The following MYLK variants were observed in gnomAD, a reference collection of about 807,000 sequenced individuals.
MYLK encodes the protein myosin light chain kinase.
MYLK carries 106 observed loss-of-function variants against 203.4 expected under a neutral mutation model. The observed-to-expected ratio is 0.52, with a 90% confidence interval of 0.45 to 0.61. MYLK has a LOEUF of 0.61. Ranked by LOEUF, MYLK falls within the 20% of genes least tolerant of loss-of-function variation. The pLI, the probability that MYLK is intolerant of heterozygous loss-of-function variation, is 0.00. For synonymous variants in MYLK, 867 were observed against 959.5 expected, an observed-to-expected ratio of 0.90 and a Z score of 1.78; for missense variants, 2,072 against 2,442.3, an observed-to-expected ratio of 0.85 and a Z score of 3.20.
chr3:123,740,790 T>C (rs2062833207), intron 5 of MYLK, among the ~76,000 whole-genome samples: 1 of 152,242 alleles, frequency 6.6e-6, no homozygotes, highest in Non-Finnish European at 1.5e-5. Context: ...CTAGGTGAGA[T>C]GATGAGGCCA....
chr3:123,796,843 T>C (rs1376416102), intron 3 of MYLK, among the ~76,000 whole-genome samples: 1 of 152,236 alleles, frequency 6.6e-6, no homozygotes, highest in East Asian at 1.9e-4. Context: ...GTAGTCTTTC[T>C]GGAAAGCAAT....
intron 5 of MYLK, among the ~76,000 whole-genome samples, chr3:123,750,313 A>G: frequency 6.6e-6 from 1 of 152,030 alleles, no homozygotes; most frequent in Middle Eastern, 3.2e-3. Context: ...ACCAAAGGGG[A>G]GGGGTGGGGT....
At chr3:123,692,922 GGTGA>G in intron 18 of MYLK, 71 bp from the exon 19 acceptor site, 1 of 1,358,794 alleles carries the variant, frequency 7.4e-7, no homozygotes, top group Non-Finnish European at 1.1e-6. Context: ...GAGCGCAGCA[GGTGA>G]GTGTTACTCG....
At position 123,677,918 on chromosome 3, in the gene MYLK, T is replaced by TATATACAC. The variant is rs1273803739; in HGVS notation, c.3652+4305_3652+4306insGTGTATAT. The stretch of plus-strand genomic sequence containing the variant: ...ATATATATATATATATATATATATA[T>TATATACAC]ACACACACACACACACAGAGTACAT... On this transcript the variant is annotated intron_variant, in intron 20 of 33. Transcript: ENST00000360304. 3.1e-3 allele frequency among the ~76,000 whole-genome samples: 241 copies of TATATACAC among 78,836 alleles called. 1 individual carries two copies. Among genetic ancestry groups the TATATACAC allele is most frequent in the East Asian group, 0.01 (6 of 588 alleles). The allele number at this position is 78,836 out of a possible 152,430, so 51.7% of individuals were successfully genotyped here.
rs570646544 is a variant in MYLK, at chr3:123,701,046, A to G, written c.2463-41T>C. On this transcript the variant is annotated intron_variant, in intron 17 of 33. Transcript: ENST00000360304. ...GGAAAAAGGAAAGTAGCAGGAGGAA[A>G]AGGGGCTGGGTAAGAAAGAAACTTC... 5.0e-6 allele frequency: 8 copies of G among 1,596,746 alleles called. No homozygotes were observed. In the South Asian group the frequency reaches 6.6e-5, roughly 13 times the overall value.
At chr3:123,678,372 C>T (rs1485128896) in intron 20 of MYLK, among the ~76,000 whole-genome samples, 1 of 152,090 alleles carries the variant, frequency 6.6e-6, no homozygotes, top group Non-Finnish European at 1.5e-5. Context: ...GAAATCTTCC[C>T]AAGCTGCTCC....
At chr3:123,710,088 G>C (rs2061632182) in intron 13 of MYLK, among the ~76,000 whole-genome samples, 195 bp from the exon 14 acceptor site, 1 of 152,172 alleles carries the variant, frequency 6.6e-6, no homozygotes, top group Non-Finnish European at 1.5e-5. Flanking sequence ...GCTTGGCAAT[G>C]ACGATGTTCT....
At chr3:123,810,903 A>G (rs2109230453) in intron 3 of MYLK, among the ~76,000 whole-genome samples, 1 of 152,304 alleles carries the variant, frequency 6.6e-6, no homozygotes. Context: ...AGATCGACAC[A>G]CTTTTCTCCC....
intron 30 of MYLK, 119 bp from the exon 31 acceptor site, chr3:123,627,060 C>T: frequency 8.8e-7 from 1 of 1,140,356 alleles, no homozygotes; most frequent in Non-Finnish European, 1.3e-6. Context: ...AGGGCCCCTG[C>T]TCCCGGACCA....
chr3:123,724,664 A>G (rs2062214683), intron 12 of MYLK, among the ~76,000 whole-genome samples: 1 of 152,184 alleles, frequency 6.6e-6, no homozygotes, highest in Non-Finnish European at 1.5e-5. Context: ...CAGGCAATAC[A>G]TCAATGACGC....
chr3:123,818,525 C>CA (rs955999382), intron 3 of MYLK, among the ~76,000 whole-genome samples: 15 of 152,028 alleles, frequency 9.9e-5, no homozygotes, highest in East Asian at 3.9e-4. Context: ...CACAACTCTA[C>CA]AAAAAAACAC....
intron 5 of MYLK, among the ~76,000 whole-genome samples, chr3:123,744,171 A>G (rs1398743133): frequency 6.6e-6 from 1 of 152,230 alleles, no homozygotes; most frequent in Non-Finnish European, 1.5e-5. Context: ...AATAAATGTA[A>G]AGCCTTAACT....
Position 123,700,663 on chromosome 3 carries a change from T to G in MYLK, c.2805A>C (p.Pro935=), listed in dbSNP as rs1158493986. Residue 935 remains proline, a synonymous_variant, in exon 18 of 34, where the codon CCA becomes CCC. Coordinates refer to ENST00000360304, the MANE Select transcript of MYLK (RefSeq NM_053025.4). ...FRANLQRQVK[P]KTVSEEERKV... ...TCCTCTCTTCCTCAGACACAGTCTT[T>G]GGCTTCACTTGCCGCTGCAGGTTGG... The G allele has an allele frequency of 1.9e-6, 3 of 1,614,066 alleles. No individual in the cohort carries two copies. In the African/African-American group the frequency reaches 4.0e-5, roughly 22 times the overall value.
At chr3:123,752,218 GT>G in intron 5 of MYLK, 112 bp downstream of exon 5, 1 of 1,156,026 alleles carries the variant, frequency 8.7e-7, no homozygotes, top group Non-Finnish European at 1.3e-6. Flanking sequence ...GATGGGGTGT[GT>G]TTTCTCTTGT....
At chr3:123,676,331 C>T (rs993129196) in intron 20 of MYLK, among the ~76,000 whole-genome samples, 1 of 152,330 alleles carries the variant, frequency 6.6e-6, no homozygotes, top group Admixed American at 6.5e-5. Context: ...GCCTCTCTCC[C>T]AGGGCCCCAC....
At chr3:123,701,881 G>T (rs1471437107) in intron 16 of MYLK, among the ~76,000 whole-genome samples, 1 of 152,220 alleles carries the variant, frequency 6.6e-6, no homozygotes, top group Non-Finnish European at 1.5e-5. Context: ...TAGCAGGTTG[G>T]TCTAGACAGA....
At chr3:123,664,301 T>G in intron 22 of MYLK, 43 bp from the exon 23 acceptor site, 2 of 1,613,742 alleles carry the variant, frequency 1.2e-6, no homozygotes, top group Non-Finnish European at 1.7e-6. Flanking sequence ...CTTGGGCCCC[T>G]GGGCTAGGAA....
intron 3 of MYLK, among the ~76,000 whole-genome samples, chr3:123,829,109 A>G (rs986380781): frequency 2.0e-5 from 3 of 152,238 alleles, no homozygotes; most frequent in African/African-American, 4.8e-5. Context: ...ATCCAAAGGA[A>G]AAAAGGAAAT....
chr3:123,881,271 T>C (rs902222710), intron 1 of MYLK, among the ~76,000 whole-genome samples: 9 of 152,106 alleles, frequency 5.9e-5, no homozygotes, highest in Non-Finnish European at 1.2e-4. Flanking sequence ...GGCCACCCAA[T>C]AGACCCTGCT....
Sources: allele counts gnomAD v4.1 joint callset (sites outside exome capture counted in the v4.1 genomes callset), GRCh38; gene constraint gnomAD v4.1.1; transcripts MANE v1.5; gene names NCBI Gene and HGNC (gene_info 2026-07-23, HGNC 2026-07-21).